TTC29: variants seen among roughly 807,000 people sequenced by gnomAD.
TTC29 encodes the protein tetratricopeptide repeat protein 29.
TTC29 carries 49 observed loss-of-function variants against 58.1 expected under a neutral mutation model. That is an observed-to-expected ratio of 0.84 (90% confidence interval 0.67 to 1.07). TTC29 has a LOEUF of 1.07. Among genes scored for constraint, TTC29 ranks in the 50% least tolerant of loss-of-function variants. TTC29 has a pLI of 0.00. For synonymous variants in TTC29, 209 were observed against 196.8 expected, an observed-to-expected ratio of 1.06 and a Z score of -0.52; for missense variants, 582 against 555.6, an observed-to-expected ratio of 1.05 and a Z score of -0.48.
rs1468810992 is a variant in TTC29 at position 146,715,476 on chromosome 4, T to A, written c.1331-7925A>T. ...TCATTTGCCACCACAGAAATGAGCC[T>A]GGTGAACATTATGTTCAGTGAAATA... On this transcript the variant is annotated intron_variant, in intron 11 of 12. Coordinates refer to ENST00000325106, the MANE Select transcript of TTC29 (RefSeq NM_031956.4). Among the ~76,000 whole-genome samples the A allele has an allele frequency of 3.9e-5, 6 of 152,310 alleles. No homozygotes were observed. The East Asian group carries it at 1.2e-3, about 29-fold the overall frequency.
intron 8 of TTC29, among the ~76,000 whole-genome samples, chr4:146,859,121 G>A (rs1279279898): frequency 6.6e-6 from 1 of 152,034 alleles, no homozygotes; most frequent in Admixed American, 6.6e-5. Flanking sequence ...GAGATGATAG[G>A]GAAGAGTGAG....
At chr4:146,880,096 G>C (rs1336690149) in intron 6 of TTC29, among the ~76,000 whole-genome samples, 1 of 152,096 alleles carries the variant, frequency 6.6e-6, no homozygotes, top group East Asian at 1.9e-4. Context: ...GAAGAAAATA[G>C]AGCCAAAATG....
At chr4:146,803,421 A>G (rs1364575300) in intron 11 of TTC29, 36 bp downstream of exon 11, 1 of 1,373,650 alleles carries the variant, frequency 7.3e-7, no homozygotes, top group South Asian at 1.3e-5. Flanking sequence ...TGAGAATGAT[A>G]TGAAAACTAA....
At chr4:146,797,996 T>A (rs1749946749) in intron 11 of TTC29, among the ~76,000 whole-genome samples, 3 of 152,122 alleles carry the variant, frequency 2.0e-5, no homozygotes, top group Middle Eastern at 3.4e-3. Flanking sequence ...TATTTCATTG[T>A]GAATAGTTTC....
intron 6 of TTC29, among the ~76,000 whole-genome samples, chr4:146,876,330 C>T (rs780363816): frequency 3.3e-5 from 5 of 152,060 alleles, no homozygotes; most frequent in Non-Finnish European, 7.4e-5. Flanking sequence ...CACTAATTTA[C>T]CATGTTTATT....
intron 8 of TTC29, among the ~76,000 whole-genome samples, chr4:146,862,156 T>C (rs557681745): frequency 4.4e-4 from 67 of 152,082 alleles, no homozygotes; most frequent in African/African-American, 1.6e-3. Context: ...AAGAAAACTT[T>C]AAAAAATATA....
intron 11 of TTC29, among the ~76,000 whole-genome samples, chr4:146,720,392 T>C (rs535606302): frequency 6.6e-6 from 1 of 152,310 alleles, no homozygotes; most frequent in African/African-American, 2.4e-5. Context: ...AGGTATTTAA[T>C]GTGAACATTT....
chr4:146,750,432 G>A (rs1745895791), intron 11 of TTC29, among the ~76,000 whole-genome samples: 1 of 152,142 alleles, frequency 6.6e-6, no homozygotes, highest in South Asian at 2.1e-4. Context: ...GTCAAATCTA[G>A]AATACTCCTA....
At chr4:146,742,441 G>C (rs1478344531) in intron 11 of TTC29, among the ~76,000 whole-genome samples, 3 of 152,152 alleles carry the variant, frequency 2.0e-5, no homozygotes, top group Non-Finnish European at 4.4e-5. Flanking sequence ...ATCTTCTAGA[G>C]CTGAGATGGT....
chr4:146,739,236 T>C (rs1374512438), intron 11 of TTC29, among the ~76,000 whole-genome samples: 1 of 152,158 alleles, frequency 6.6e-6, no homozygotes, highest in South Asian at 2.1e-4. Flanking sequence ...ACAAAAATAG[T>C]AGCATGAATT....
intron 10 of TTC29, among the ~76,000 whole-genome samples, chr4:146,805,909 A>G (rs1314935396): frequency 6.6e-6 from 1 of 152,138 alleles, no homozygotes; most frequent in Non-Finnish European, 1.5e-5. Flanking sequence ...CTTCGAGAAG[A>G]GCAACTCTGA....
chr4:146,763,151 T>C (rs1052815916), intron 11 of TTC29, among the ~76,000 whole-genome samples: 3 of 152,130 alleles, frequency 2.0e-5, no homozygotes, highest in Non-Finnish European at 2.9e-5. Flanking sequence ...TTAGCCACAC[T>C]GAATTCAACC....
intron 4 of TTC29, among the ~76,000 whole-genome samples, chr4:146,930,087 A>ATG (rs1199587843): frequency 2.4e-5 from 2 of 83,640 alleles, no homozygotes; most frequent in African/African-American, 1.2e-4. Context: ...GTGTGTGCAT[A>ATG]TATATATATA....
intron 11 of TTC29, among the ~76,000 whole-genome samples, chr4:146,728,827 A>T (rs147257647): frequency 3.0e-5 from 2 of 67,744 alleles, no homozygotes; most frequent in African/African-American, 4.5e-5. Context: ...GTATATATAC[A>T]TATATATACA....
chr4:146,934,599 G>A (rs1560735154), intron 4 of TTC29, among the ~76,000 whole-genome samples: 1 of 152,132 alleles, frequency 6.6e-6, no homozygotes, highest in South Asian at 2.1e-4. Flanking sequence ...CTGTAAGACT[G>A]GGTCCAGGTT....
At chr4:146,730,297 T>C (rs1021993891) in intron 11 of TTC29, among the ~76,000 whole-genome samples, 1 of 152,136 alleles carries the variant, frequency 6.6e-6, no homozygotes, top group Non-Finnish European at 1.5e-5. Flanking sequence ...CCCTAAGTGA[T>C]TAACTTGGGT....
At chr4:146,707,639 G>T (rs1579488920) in intron 11 of TTC29, 88 bp from the exon 12 acceptor site, 1 of 918,224 alleles carries the variant, frequency 1.1e-6, no homozygotes, top group Non-Finnish European at 1.7e-6. Context: ...CCTTTTCAGG[G>T]ATATCTGTCC....
intron 8 of TTC29, among the ~76,000 whole-genome samples, chr4:146,834,531 T>TTCCACTTC (rs149131350): frequency 0.063 from 9,546 of 152,212 alleles, 393 homozygotes; most frequent in Admixed American, 0.13. Context: ...ATTTTCCCTT[T>TTCCACTTC]TCCCTCTTTC....
Position 146,829,476 on chromosome 4 carries a change from G to T in TTC29, c.977+4330C>A, listed in dbSNP as rs188196957. On this transcript the variant is annotated intron_variant, in intron 9 of 12. Coordinates refer to ENST00000325106, the MANE Select transcript of TTC29 (RefSeq NM_031956.4). ...TGTGCCACCAAGTTTGTGGGCCACA[G>T]ATGAAAGTAATAAGGCAAATGGGAT... Among the ~76,000 whole-genome samples the T allele has an allele frequency of 1.1e-4, 16 of 152,334 alleles. No individual in the cohort carries two copies. The East Asian group carries it at 3.1e-3, about 29-fold the overall frequency.
Sources: gnomAD v4.1 joint callset for allele counts (sites outside exome capture counted in the v4.1 genomes callset) on GRCh38, gnomAD v4.1.1 for gene constraint, MANE v1.5 for transcripts, NCBI Gene and HGNC (gene_info 2026-07-23, HGNC 2026-07-21) for gene names.